The following KSR2 variants were observed in gnomAD, a reference collection of about 807,000 sequenced individuals.
KSR2 encodes kinase suppressor of ras 2.
In KSR2, 25 loss-of-function variants were observed where a neutral mutation model predicts 107.8. The ratio of observed to expected loss-of-function variants is 0.23; its 90% CI spans 0.17 to 0.32. The LOEUF (loss-of-function observed/expected upper bound fraction) is 0.32. KSR2 is among the 10% of genes least tolerant of loss of function. The probability of loss-of-function intolerance (pLI) is 1.00; values close to 1 mark genes in which losing one functional copy is unlikely to be tolerated. For synonymous variants in KSR2, 480 were observed against 507.0 expected (o/e 0.95, Z 0.71); for missense variants, 887 against 1,268.9 (o/e 0.70, Z 4.57).
chr12:117,564,599 A>T (rs890263577), intron 7 of KSR2, among the ~76,000 whole-genome samples: 27 of 152,230 alleles, frequency 1.8e-4, no homozygotes, highest in African/African-American at 5.5e-4. Context: ...GGAACATCTC[A>T]TTCCCCCAAG....
At chr12:117,666,578 TGTTTG>T in intron 5 of KSR2, among the ~76,000 whole-genome samples, 1 of 152,224 alleles carries the variant, frequency 6.6e-6, no homozygotes, top group Non-Finnish European at 1.5e-5. Context: ...CATGAGGGAT[TGTTTG>T]CAAGAACTAA....
At chr12:117,642,573 C>T (rs1479021259) in intron 5 of KSR2, among the ~76,000 whole-genome samples, 1 of 152,120 alleles carries the variant, frequency 6.6e-6, no homozygotes, top group African/African-American at 2.4e-5. Context: ...CCATGTTGTC[C>T]TCATTTACAA....
intron 9 of KSR2, among the ~76,000 whole-genome samples, chr12:117,544,377 T>C (rs1876708072): frequency 6.6e-6 from 1 of 152,118 alleles, no homozygotes; most frequent in Admixed American, 6.5e-5. Flanking sequence ...CCTAGCACTT[T>C]GGGAGGCCGA....
At chr12:117,525,364 T>A (rs1027752941) in intron 13 of KSR2, 145 bp from the exon 14 acceptor site, 15 of 918,612 alleles carry the variant, frequency 1.6e-5, no homozygotes, top group Non-Finnish European at 2.2e-5. Flanking sequence ...CGTCCCTCTG[T>A]TTCCCCAGCT....
At chr12:117,502,348 T>A (rs915147666) in intron 14 of KSR2, among the ~76,000 whole-genome samples, 4 of 152,194 alleles carry the variant, frequency 2.6e-5, no homozygotes, top group African/African-American at 9.6e-5. Context: ...GCAATATGGG[T>A]TCCATCATGC....
At chr12:117,710,083 G>C (rs1250937847) in intron 4 of KSR2, among the ~76,000 whole-genome samples, 1 of 152,202 alleles carries the variant, frequency 6.6e-6, no homozygotes, top group Non-Finnish European at 1.5e-5. Context: ...TGAAAAACCA[G>C]CTGCAAGAAT....
chr12:117,593,125 C>T (rs183600820), intron 5 of KSR2, among the ~76,000 whole-genome samples: 9 of 152,246 alleles, frequency 5.9e-5, no homozygotes, highest in African/African-American at 2.2e-4. Flanking sequence ...GCCTGGCTAG[C>T]GGTGCAGAGC....
At position 117,865,905 on chromosome 12, in the gene KSR2, T is replaced by C. The variant is rs181579147; in HGVS notation, c.181-5474A>G. Among the ~76,000 whole-genome samples the C allele has an allele frequency of 3.9e-5, 6 of 152,360 alleles. No individual in the cohort carries two copies. In the East Asian group the frequency reaches 1.2e-3, roughly 29 times the overall value. On this transcript the variant is annotated intron_variant, in intron 1 of 19. Transcript: ENST00000339824. ...TAGTGTTAAATAACATCGTATCATA[T>C]AGCATAGCGAGCACTTTCTTCTCTG...
chr12:117,487,256 A>G (rs984774557), intron 14 of KSR2, among the ~76,000 whole-genome samples: 1 of 152,262 alleles, frequency 6.6e-6, no homozygotes, highest in Non-Finnish European at 1.5e-5. Flanking sequence ...TACACATATC[A>G]CAACTGTTTA....
At chr12:117,928,482 C>T (rs1317149949) in intron 1 of KSR2, among the ~76,000 whole-genome samples, 1 of 152,182 alleles carries the variant, frequency 6.6e-6, no homozygotes, top group Non-Finnish European at 1.5e-5. Context: ...CCACGCCTGG[C>T]CTTCATTCCT....
intron 9 of KSR2, among the ~76,000 whole-genome samples, chr12:117,554,700 C>T (rs372034774): frequency 2.5e-4 from 38 of 152,270 alleles, no homozygotes; most frequent in African/African-American, 8.9e-4. Flanking sequence ...ATAAGATGTG[C>T]CTTTCGCCTT....
chr12:117,886,845 T>C (rs1941687554), intron 1 of KSR2, among the ~76,000 whole-genome samples: 1 of 152,176 alleles, frequency 6.6e-6, no homozygotes, highest in Admixed American at 6.5e-5. Flanking sequence ...ATATTTTATC[T>C]CATGTGCATG....
In KSR2 at chr12:117,742,489, A is replaced by G. The variant is rs561211867; in HGVS notation, c.986+18522T>C. On this transcript the variant is annotated intron_variant, in intron 4 of 19. Coordinates refer to ENST00000339824, the MANE Select transcript of KSR2 (RefSeq NM_173598.6). ...CTTAATCCCAAATGGTTCAGAAAAC[A>G]TATGGATGGATGGATAAAATGGATG... is the stretch of plus-strand genomic sequence containing the variant. Among the ~76,000 whole-genome samples, 3 of 122,974 alleles carry G rather than the reference A, an allele frequency of 2.4e-5. No individual in the cohort carries two copies. The South Asian group carries it at 7.3e-4, about 30-fold the overall frequency. The allele number at this position is 122,974 out of a possible 152,430, so 80.7% of individuals were successfully genotyped here. A position where few individuals can be genotyped will look rare whatever the true frequency, so the allele number is the denominator to read the frequency against.
intron 4 of KSR2, among the ~76,000 whole-genome samples, chr12:117,694,946 G>C (rs763536260): frequency 6.7e-6 from 1 of 148,626 alleles, no homozygotes; most frequent in Non-Finnish European, 1.5e-5. Context: ...CACCTCCCAG[G>C]TTCAAGCAAT....
At chr12:117,903,161 A>G (rs913450102) in intron 1 of KSR2, among the ~76,000 whole-genome samples, 2 of 152,238 alleles carry the variant, frequency 1.3e-5, no homozygotes, top group African/African-American at 4.8e-5. Flanking sequence ...TTTTGTCGTC[A>G]GGTTTGATAG....
intron 8 of KSR2, among the ~76,000 whole-genome samples, chr12:117,558,267 C>G (rs971337868): frequency 6.6e-6 from 1 of 151,882 alleles, no homozygotes; most frequent in Non-Finnish European, 1.5e-5. Flanking sequence ...AGTGGGGAGA[C>G]AAAGGGAGCT....
At chr12:117,710,818 C>T (rs1886742195) in intron 4 of KSR2, among the ~76,000 whole-genome samples, 1 of 152,114 alleles carries the variant, frequency 6.6e-6, no homozygotes, top group Admixed American at 6.6e-5. Context: ...CCCTGGTGCA[C>T]TGTCTCATAT....
chr12:117,943,250 AAAACG>A (rs1025538130), intron 1 of KSR2, among the ~76,000 whole-genome samples: 17 of 152,272 alleles, frequency 1.1e-4, no homozygotes, highest in African/African-American at 3.9e-4. Context: ...TTAATTTCTC[AAAACG>A]ACTATTTTCT....
At chr12:117,893,986 T>C (rs1387074057) in intron 1 of KSR2, among the ~76,000 whole-genome samples, 7 of 148,948 alleles carry the variant, frequency 4.7e-5, no homozygotes, top group Non-Finnish European at 8.9e-5. Context: ...CTCGGCTCAC[T>C]GCAAGCTCCG....
Sources: allele counts gnomAD v4.1 joint callset (sites outside exome capture counted in the v4.1 genomes callset), GRCh38; gene constraint gnomAD v4.1.1; transcripts MANE v1.5; gene names NCBI Gene and HGNC (gene_info 2026-07-23, HGNC 2026-07-21).